CACNA1B: variants seen among roughly 807,000 people sequenced by gnomAD.
CACNA1B encodes calcium voltage-gated channel subunit alpha1 B, also known as voltage-dependent N-type calcium channel subunit alpha-1B.
Under a neutral mutation model 247.2 loss-of-function variants are expected in CACNA1B, and 70 were observed. The ratio of observed to expected loss-of-function variants is 0.28; its 90% CI spans 0.23 to 0.35. The LOEUF is 0.35. CACNA1B is among the 10% of genes least tolerant of loss of function. The pLI, the probability that CACNA1B is intolerant of heterozygous loss-of-function variation, is 1.00. For synonymous variants in CACNA1B, 1,231 were observed against 1,294.4 expected (o/e 0.95, Z 1.05); for missense variants, 2,367 against 3,197.4 (o/e 0.74, Z 6.26).
chr9:138,095,750 A>G (rs548584329), intron 36 of CACNA1B, among the ~76,000 whole-genome samples: 15 of 152,358 alleles, frequency 9.8e-5, no homozygotes, highest in Admixed American at 9.2e-4. Context: ...GTGGTGTATT[A>G]CCACTGGAAT....
intron 25 of CACNA1B, among the ~76,000 whole-genome samples, chr9:138,053,634 C>G (rs1436338245): frequency 7.2e-6 from 1 of 139,132 alleles, no homozygotes; most frequent in Non-Finnish European, 1.6e-5. Flanking sequence ...CATCATGGCA[C>G]CACCCTTCCC....
In CACNA1B at chr9:137,913,710, T is replaced by C. The variant is rs935861224; in HGVS notation, c.622+439T>C. 2.6e-5 allele frequency among the ~76,000 whole-genome samples: 4 copies of C among 152,194 alleles called. No individual in the cohort carries two copies. The highest frequency in any genetic ancestry group is 5.9e-5 in the Non-Finnish European group (4 of 68,016). On this transcript the variant is annotated intron_variant, in intron 4 of 46. Transcript: ENST00000371372. The surrounding 1 kb of genome is among the most constrained non-coding windows in gnomAD (Gnocchi z 5.2). The stretch of plus-strand genomic sequence containing the variant: ...TGAGGCCAGCCTTAAGACATGCTCC[T>C]GAAGTGGGCTGCCCACAGAGCCTGC...
Position 137,881,265 on chromosome 9 carries a change from C to T in CACNA1B, c.391-1479C>T, listed in dbSNP as rs115933170. Among the ~76,000 whole-genome samples the T allele has an allele frequency of 8.0e-3, 1,225 of 152,290 alleles. 15 individuals carry two copies. The highest frequency in any genetic ancestry group is 0.027 in the African/African-American group (1,137 of 41,562). ...CAGGAAGAGCATGGGCGAGTCAGCA[C>T]GGGTCATGATGGACCCTTGGGTGCT... On this transcript the variant is annotated intron_variant, in intron 2 of 46. Coordinates refer to ENST00000371372, the MANE Select transcript of CACNA1B (RefSeq NM_000718.4). The surrounding 1 kb of genome is among the most constrained non-coding windows in gnomAD (Gnocchi z 4.3).
chr9:137,892,990 G>A lies in CACNA1B; in HGVS notation c.530+10107G>A, dbSNP rs369692847. 3.3e-5 allele frequency among the ~76,000 whole-genome samples: 5 copies of A among 152,348 alleles called. No individual in the cohort carries two copies. The East Asian group carries it at 7.7e-4, about 24-fold the overall frequency. ...CAGATACAGGGACACACGGGAGGGGGGCCGCCATGGCACTCCGTGTCTCGC... is the reference window on the plus strand; with the variant it reads ...CAGATACAGGGACACACGGGAGGGGAGCCGCCATGGCACTCCGTGTCTCGC... On this transcript the variant is annotated intron_variant, in intron 3 of 46. Coordinates refer to ENST00000371372, the MANE Select transcript of CACNA1B (RefSeq NM_000718.4).
At chr9:138,115,006 T>C (rs1961804133) in intron 41 of CACNA1B, among the ~76,000 whole-genome samples, 1 of 152,152 alleles carries the variant, frequency 6.6e-6, no homozygotes, top group South Asian at 2.1e-4. Context: ...GCTGGAAAAT[T>C]GTCTAGATGT....
intron 36 of CACNA1B, among the ~76,000 whole-genome samples, chr9:138,094,457 A>AG (rs1554757333): frequency 2.1e-4 from 29 of 134,894 alleles, no homozygotes; most frequent in African/African-American, 7.0e-4. Context: ...AAAAAAAAAA[A>AG]AAGAAGAAGA....
Position 137,914,854 on chromosome 9 carries a change from T to A in CACNA1B, c.775+48T>A, listed in dbSNP as rs1168550830. The A allele has an allele frequency of 6.2e-7, 1 of 1,602,756 alleles. No homozygotes were observed. The highest frequency in any genetic ancestry group is 1.7e-5 in the Admixed American group (1 of 59,144). Reference sequence around the variant, plus strand: ...AGCACAGGCAAGTGCCACGGATGCGTTCATCCAGGAGATGGGCACTGTTCT... The same window carrying A: ...AGCACAGGCAAGTGCCACGGATGCGATCATCCAGGAGATGGGCACTGTTCT... On this transcript the variant is annotated intron_variant, in intron 5 of 46. Coordinates refer to ENST00000371372, the MANE Select transcript of CACNA1B (RefSeq NM_000718.4). The surrounding 1 kb of genome is among the most constrained non-coding windows in gnomAD (Gnocchi z 4.3).
At position 137,891,731 on chromosome 9, in the gene CACNA1B, G is replaced by A; in HGVS notation, c.530+8848G>A. The A allele has an allele frequency of 3.5e-6, 1 of 284,918 alleles. No individual in the cohort carries two copies. The highest frequency in any genetic ancestry group is 6.9e-6 in the Non-Finnish European group (1 of 145,882). The allele number at this position is 284,918 out of a possible 1,614,324, so 17.6% of individuals were successfully genotyped here. On this transcript the variant is annotated intron_variant, in intron 3 of 46. Coordinates refer to ENST00000371372, the MANE Select transcript of CACNA1B (RefSeq NM_000718.4). The surrounding 1 kb of genome is among the most constrained non-coding windows in gnomAD (Gnocchi z 4.3). ...TGGACTAGAAGAGGTGAGAAGGCAG[G>A]TGCTGGCTGTGGGGCTGTAGAGTGG...
Position 138,073,496 on chromosome 9 carries a change from C to A in CACNA1B, c.4683C>A (p.Phe1561Leu). The change falls in exon 33 of 47, where the codon TTC becomes TTA. Residue 1561 changes from phenylalanine (F) to leucine (L), a missense_variant. Physicochemically the swap from Phe to Leu is conservative, Grantham distance 22 (BLOSUM62 0). This residue lies in a region of CACNA1B where 436 missense variants were observed against 679.5 expected (regional missense o/e 0.64). Transcript: ENST00000371372. This position sits in a 1 kb window ranked among gnomAD's most constrained non-coding sequence, Gnocchi z 6.4. ...LVTEIAETNN[F>L]INLSFLRLFR... ...ATTCCTCTTCTCTGCAGAACAATTT[C>A]ATCAACCTCAGCTTCCTCCGCCTCT... 1 of 1,609,244 alleles carries A rather than the reference C, an allele frequency of 6.2e-7. No individual in the cohort carries two copies. Among genetic ancestry groups the A allele is most frequent in the Non-Finnish European group, 8.5e-7 (1 of 1,175,638 alleles).
intron 40 of CACNA1B, among the ~76,000 whole-genome samples, 176 bp from the exon 41 acceptor site, chr9:138,114,202 A>G (rs1273293153): frequency 6.6e-6 from 1 of 152,156 alleles, no homozygotes; most frequent in African/African-American, 2.4e-5. Flanking sequence ...AGGTAGGCCA[A>G]ACTCCTGGTG....
Position 138,114,441 on chromosome 9 carries a change from A to G in CACNA1B, c.5600A>G (p.Asn1867Ser), listed in dbSNP as rs1160390710. The G allele has an allele frequency of 1.3e-6, 2 of 1,594,402 alleles. No homozygotes were observed. Among genetic ancestry groups the G allele is most frequent in the African/African-American group, 1.3e-5 (1 of 74,710 alleles). Residue 1867 changes from asparagine to serine, a missense_variant, in exon 41 of 47, where the codon AAC becomes AGC. Coordinates refer to ENST00000371372, the MANE Select transcript of CACNA1B (RefSeq NM_000718.4). The part of the protein sequence containing the change: ...ALMIFDFYKQ[N>S]KTTRDQMQQA... Reference sequence around the variant, plus strand: ...ATGATATTCGACTTCTACAAGCAGAACAAAACCACCAGAGACCAGATGCAG... The same window carrying G: ...ATGATATTCGACTTCTACAAGCAGAGCAAAACCACCAGAGACCAGATGCAG...
At chr9:138,090,725 A>AAAAAAAAAAAAAAG (rs1960848893) in intron 36 of CACNA1B, among the ~76,000 whole-genome samples, 1 of 148,478 alleles carries the variant, frequency 6.7e-6, no homozygotes, top group Non-Finnish European at 1.5e-5. Flanking sequence ...AAAAAAAAAA[A>AAAAAAAAAAAAAAG]AAAAAAAAAT....
chr9:138,016,005 C>T (rs1418740895), intron 18 of CACNA1B, among the ~76,000 whole-genome samples: 2 of 152,066 alleles, frequency 1.3e-5, no homozygotes, highest in Non-Finnish European at 2.9e-5. Flanking sequence ...TACACAAGTA[C>T]ACACAGACAC....
At chr9:138,042,987 CAA>C (rs1173764044) in intron 20 of CACNA1B, among the ~76,000 whole-genome samples, 3 of 152,160 alleles carry the variant, frequency 2.0e-5, no homozygotes, top group Non-Finnish European at 4.4e-5. Flanking sequence ...CCTGAGGTCT[CAA>C]GAGCTCTGTC....
Position 138,073,379 on chromosome 9 carries a change from C to T in CACNA1B, c.4675-109C>T. ...GACCTTTGATTTTAATCTTTTTAAC[C>T]ACTTTTCTTTGGGGCCACAGGGATG... On this transcript the variant is annotated intron_variant, in intron 32 of 46. Transcript: ENST00000371372. The surrounding 1 kb of genome is among the most constrained non-coding windows in gnomAD (Gnocchi z 6.4). 1 of 679,050 alleles carries T rather than the reference C, an allele frequency of 1.5e-6. No homozygotes were observed. Among genetic ancestry groups the T allele is most frequent in the South Asian group, 1.8e-5 (1 of 55,532 alleles). 42.1% of individuals were successfully genotyped at this position (679,050 alleles called of 1,614,324 possible).
intron 6 of CACNA1B, among the ~76,000 whole-genome samples, chr9:137,933,094 G>A (rs757687532): frequency 2.0e-5 from 3 of 152,016 alleles, no homozygotes; most frequent in Non-Finnish European, 2.9e-5. Flanking sequence ...CACCACGCCC[G>A]GCTAGTTTTT....
At chr9:138,098,264 A>G (rs1414675557) in intron 37 of CACNA1B, among the ~76,000 whole-genome samples, 1 of 152,140 alleles carries the variant, frequency 6.6e-6, no homozygotes, top group African/African-American at 2.4e-5. Flanking sequence ...TTCACACAGG[A>G]CCTGTGGTCA....
chr9:138,117,285 G>GC (rs911566809), intron 42 of CACNA1B, among the ~76,000 whole-genome samples: 2 of 28,326 alleles, frequency 7.1e-5, no homozygotes, highest in African/African-American at 1.0e-3. Flanking sequence ...ATTGTGGCTT[G>GC]GGGGGGGGGT....
At position 137,955,169 on chromosome 9, in the gene CACNA1B, C is replaced by A. The variant is rs1301173200; in HGVS notation, c.1071-529C>A. ...TGCGGTATTACCCTTCTGCCTCTGG[C>A]CTGCCCTGACCCAGTCCCTTCTTCC... is the stretch of plus-strand genomic sequence containing the variant. On this transcript the variant is annotated intron_variant, in intron 7 of 46. Transcript: ENST00000371372. The surrounding 1 kb of genome is among the most constrained non-coding windows in gnomAD (Gnocchi z 6.9). Among the ~76,000 whole-genome samples the A allele has an allele frequency of 3.9e-5, 6 of 152,124 alleles. No individual in the cohort carries two copies. Among genetic ancestry groups the A allele is most frequent in the Admixed American group, 2.6e-4 (4 of 15,274 alleles).
Sources: gnomAD v4.1 joint callset for allele counts (sites outside exome capture counted in the v4.1 genomes callset) on GRCh38, gnomAD v4.1.1 for gene constraint, gnomAD v4.1.1 regional missense constraint, Gnocchi (gnomAD v3.1) non-coding constraint, MANE v1.5 for transcripts, NCBI Gene and HGNC (gene_info 2026-07-23, HGNC 2026-07-21) for gene names.